MRTFB: variants seen among roughly 807,000 people sequenced by gnomAD.
MRTFB encodes myocardin-related transcription factor B.
Under a neutral mutation model 104.2 loss-of-function variants are expected in MRTFB, and 29 were observed. The ratio of observed to expected loss-of-function variants is 0.28; its 90% CI spans 0.21 to 0.38. The LOEUF (loss-of-function observed/expected upper bound fraction) is 0.38. Ranked by LOEUF, MRTFB falls within the 10% of genes least tolerant of loss-of-function variation. The pLI, the probability that MRTFB is intolerant of heterozygous loss-of-function variation, is 1.00. For missense variants in MRTFB, 1,270 were observed against 1,341.6 expected (o/e 0.95, Z 0.83); for synonymous variants, 535 against 519.5 (o/e 1.03, Z -0.41).
At chr16:14,031,144 C>A in the MRTFB span, among the ~76,000 whole-genome samples, 1 of 152,342 alleles carries the variant, frequency 6.6e-6, no homozygotes, top group South Asian at 2.1e-4. Context: ...GTAATCCCAG[C>A]ACTTTGGATG....
the MRTFB span, among the ~76,000 whole-genome samples, chr16:14,025,265 C>T: frequency 4.6e-5 from 7 of 152,196 alleles, no homozygotes; most frequent in Non-Finnish European, 1.0e-4. Flanking sequence ...ATTGTAGCCT[C>T]GACCTGTCAG....
At chr16:14,127,903 A>G (rs1025601583) in intron 2 of MRTFB, among the ~76,000 whole-genome samples, 9 of 31,222 alleles carry the variant, frequency 2.9e-4, no homozygotes, top group African/African-American at 1.5e-3. Context: ...AAAACTGAAT[A>G]TATATATATA....
intron 2 of MRTFB, among the ~76,000 whole-genome samples, chr16:14,084,265 C>T (rs1055151838): frequency 1.3e-5 from 2 of 152,176 alleles, no homozygotes; most frequent in Non-Finnish European, 1.5e-5. Flanking sequence ...AGACTAGGCA[C>T]GGTATCTCAC....
At chr16:14,066,981 A>G (rs2033532612), upstream of MRTFB, among the ~76,000 whole-genome samples, 1 of 150,598 alleles carries the variant, frequency 6.6e-6, no homozygotes, top group Non-Finnish European at 1.5e-5. Context: ...AGAATTACCC[A>G]TTTTGTTTGT....
intron 11 of MRTFB, 71 bp downstream of exon 11, chr16:14,245,731 T>C: frequency 6.6e-7 from 1 of 1,513,450 alleles, no homozygotes; most frequent in South Asian, 1.3e-5. Flanking sequence ...CAGCGTTGTC[T>C]AGCAGACATT....
intron 3 of MRTFB, among the ~76,000 whole-genome samples, chr16:14,156,916 C>T (rs949702694): frequency 3.9e-5 from 6 of 152,108 alleles, no homozygotes; most frequent in South Asian, 2.1e-4. Context: ...AGATCTATCA[C>T]GGGTGCAGCT....
intron 3 of MRTFB, chr16:14,141,609 C>T (rs554057548): frequency 1.2e-4 from 18 of 152,188 alleles, no homozygotes; most frequent in African/African-American, 3.9e-4. Context: ...TGCAGAGTGC[C>T]TCATTATGTA....
intron 10 of MRTFB, 30 bp downstream of exon 10, chr16:14,240,514 CG>C: frequency 6.2e-7 from 1 of 1,614,126 alleles, no homozygotes; most frequent in Non-Finnish European, 8.5e-7. Flanking sequence ...ATCCTCAACG[CG>C]GGGTTTTCTG....
intron 3 of MRTFB, among the ~76,000 whole-genome samples, chr16:14,178,166 T>C (rs1401490783): frequency 6.6e-6 from 1 of 152,094 alleles, no homozygotes; most frequent in East Asian, 1.9e-4. Flanking sequence ...AAACAAATTG[T>C]CTGGATTCCC....
chr16:14,252,103 G>C, intron 14 of MRTFB, 80 bp downstream of exon 14: 1 of 1,473,456 alleles, frequency 6.8e-7, no homozygotes, highest in Non-Finnish European at 9.2e-7. Context: ...TTTGGGCTTG[G>C]AGTGACTAAT....
intron 3 of MRTFB, chr16:14,200,759 G>A (rs2040661396): frequency 6.8e-7 from 1 of 1,476,618 alleles, no homozygotes; most frequent in Non-Finnish European, 9.5e-7. Flanking sequence ...TGCCTGTCCA[G>A]TGCTGTGGGT....
chr16:14,054,819 C>T, the MRTFB span, among the ~76,000 whole-genome samples: 1 of 152,162 alleles, frequency 6.6e-6, no homozygotes, highest in East Asian at 1.9e-4. Context: ...GGCCTTACTT[C>T]TTATACCAGT....
At chr16:14,015,107 G>A in the MRTFB span, among the ~76,000 whole-genome samples, 1 of 152,124 alleles carries the variant, frequency 6.6e-6, no homozygotes, top group Non-Finnish European at 1.5e-5. Context: ...TACATGTCTG[G>A]TAGTAATATA....
At chr16:14,066,575 T>A (rs1314938990), upstream of MRTFB, among the ~76,000 whole-genome samples, 3 of 151,774 alleles carry the variant, frequency 2.0e-5, no homozygotes, top group Non-Finnish European at 4.4e-5. Flanking sequence ...GCCCGGCCTA[T>A]TTTTTTATTT....
At chr16:14,241,655 G>A (rs2042771563) in intron 10 of MRTFB, among the ~76,000 whole-genome samples, 1 of 116,044 alleles carries the variant, frequency 8.6e-6, no homozygotes, top group African/African-American at 6.9e-5. Flanking sequence ...TTCCCTCATA[G>A]GTAGCCCCTC....
chr16:14,259,291 C>T (rs923353846), intron 16 of MRTFB, among the ~76,000 whole-genome samples: 3 of 150,286 alleles, frequency 2.0e-5, no homozygotes, highest in Non-Finnish European at 3.0e-5. Context: ...CAAAAATTAG[C>T]AAAAATTAGC....
chr16:14,240,518 G>A, intron 10 of MRTFB, 34 bp downstream of exon 10: 1 of 1,614,152 alleles, frequency 6.2e-7, no homozygotes, highest in Non-Finnish European at 8.5e-7. Flanking sequence ...TCAACGCGGG[G>A]TTTTCTGTGG....
intron 8 of MRTFB, among the ~76,000 whole-genome samples, chr16:14,224,501 T>C (rs2041908220): frequency 2.6e-5 from 4 of 152,152 alleles, no homozygotes; most frequent in Middle Eastern, 3.2e-3. Context: ...TACAAGAAAT[T>C]CAATAAACTC....
At chr16:14,178,002 G>C (rs1165695732) in intron 3 of MRTFB, among the ~76,000 whole-genome samples, 1 of 151,896 alleles carries the variant, frequency 6.6e-6, no homozygotes, top group Admixed American at 6.6e-5. Context: ...TATTAGGAGA[G>C]ATGGTGCAGA....
Sources: allele counts gnomAD v4.1 joint callset (sites outside exome capture counted in the v4.1 genomes callset), GRCh38; gene constraint gnomAD v4.1.1; transcripts MANE v1.5; gene names NCBI Gene and HGNC (gene_info 2026-07-23, HGNC 2026-07-21).